Variants in AKAP13 observed in about 807,000 individuals in gnomAD.
AKAP13 encodes the protein A-kinase anchor protein 13.
In AKAP13, 80 loss-of-function variants were observed where a neutral mutation model predicts 264.5. That is an observed-to-expected ratio of 0.30 (90% CI 0.25 to 0.36). AKAP13 has a LOEUF of 0.36. Among genes scored for constraint, AKAP13 ranks in the 10% least tolerant of loss-of-function variants. The pLI, the probability that AKAP13 is intolerant of heterozygous loss-of-function variation, is 1.00. For synonymous variants in AKAP13, 1,380 were observed against 1,250.2 expected (o/e 1.10, Z -2.19); for missense variants, 3,712 against 3,435.2 (o/e 1.08, Z -2.01).
intron 1 of AKAP13, among the ~76,000 whole-genome samples, chr15:85,471,593 C>T (rs1012364919): frequency 2.6e-5 from 4 of 152,232 alleles, no homozygotes; most frequent in Non-Finnish European, 5.9e-5. Flanking sequence ...TCAGTTGGTT[C>T]TGATAACTGC....
At chr15:85,693,588 C>T in intron 17 of AKAP13, 137 bp downstream of exon 17, 1 of 1,411,318 alleles carries the variant, frequency 7.1e-7, no homozygotes, top group Non-Finnish European at 9.3e-7. Context: ...TTTCTTTAGA[C>T]ATGATAAAAG....
At chr15:85,428,227 T>G (rs1022113064) in intron 1 of AKAP13, among the ~76,000 whole-genome samples, 2 of 152,202 alleles carry the variant, frequency 1.3e-5, no homozygotes, top group Admixed American at 6.5e-5. Flanking sequence ...GAGACAGAGT[T>G]TTGCTCTTGT....
chr15:85,722,943 G>T, intron 25 of AKAP13, 129 bp from the exon 26 acceptor site: 1 of 1,237,588 alleles, frequency 8.1e-7, no homozygotes, highest in South Asian at 1.6e-5. Flanking sequence ...GATCTCTGAC[G>T]TGTTGGCTTC....
chr15:85,668,488 C>G (rs2083727563), intron 13 of AKAP13, among the ~76,000 whole-genome samples: 1 of 152,202 alleles, frequency 6.6e-6, no homozygotes, highest in South Asian at 2.1e-4. Flanking sequence ...TGTGAATTTA[C>G]TGAGAGAGTT....
chr15:85,422,193 G>C (rs892563433), intron 1 of AKAP13, among the ~76,000 whole-genome samples: 2 of 152,180 alleles, frequency 1.3e-5, no homozygotes, highest in African/African-American at 2.4e-5. Context: ...ATGTTGGTAG[G>C]AGAGGACATA....
At position 85,585,482 on chromosome 15, in the gene AKAP13, C is replaced by CA. The variant is rs2079300766; in HGVS notation, c.4040-218dup. Among the ~76,000 whole-genome samples the CA allele has an allele frequency of 2.6e-5, 4 of 152,306 alleles. No homozygotes were observed. In the South Asian group the frequency reaches 8.3e-4, roughly 32 times the overall value. ...ATTGAATTGGATCCTCGCTTAGTTC[C>CA]AAGCGCCTACAAAGGCTAGGGAAAA... is the stretch of plus-strand genomic sequence containing the variant. On this transcript the variant is annotated intron_variant, in intron 7 of 36. Coordinates refer to ENST00000394518, the MANE Select transcript of AKAP13 (RefSeq NM_007200.5).
rs556358632 is a variant in AKAP13 at position 85,454,751 on chromosome 15, T to G, written c.-11-30959T>G. ...CCAGAGAGTTGTTCAACTGTCACTG[T>G]GATCAATTTTGAATCTTTTCATCAC... On this transcript the variant is annotated intron_variant, in intron 1 of 36. Transcript: ENST00000394518. Among the ~76,000 whole-genome samples, 7 of 152,356 alleles carry G rather than the reference T, an allele frequency of 4.6e-5. No individual in the cohort carries two copies. The South Asian group carries it at 1.4e-3, about 32-fold the overall frequency.
intron 2 of AKAP13, among the ~76,000 whole-genome samples, chr15:85,497,281 G>A (rs748148862): frequency 2.0e-5 from 3 of 152,234 alleles, no homozygotes; most frequent in Non-Finnish European, 4.4e-5. Flanking sequence ...TGGGGAGGAA[G>A]GGGCTCAGAT....
At position 85,580,298 on chromosome 15, in the gene AKAP13, A is replaced by C. The variant is rs754492232; in HGVS notation, c.2230A>C (p.Lys744Gln). The change falls in exon 7 of 37, where the codon AAA becomes CAA. Residue 744 changes from lysine (K) to glutamine (Q), a missense_variant. Transcript: ENST00000394518. ...FKVVDNKGQR[K>Q]DVKLDKPLTN... The stretch of plus-strand genomic sequence containing the variant: ...AGTGGTGGATAACAAAGGCCAACGA[A>C]AAGATGTGAAACTAGATAAACCTTT... 3.7e-6 allele frequency: 6 copies of C among 1,614,224 alleles called. No individual in the cohort carries two copies. Among genetic ancestry groups the C allele is most frequent in the Non-Finnish European group, 5.1e-6 (6 of 1,180,038 alleles).
chr15:85,737,570 G>A (rs557251322), intron 33 of AKAP13, among the ~76,000 whole-genome samples: 3 of 152,238 alleles, frequency 2.0e-5, no homozygotes, highest in Admixed American at 6.5e-5. Flanking sequence ...AAATACAGAA[G>A]GATATTGTTT....
chr15:85,725,151 T>C (rs567969705), intron 26 of AKAP13, among the ~76,000 whole-genome samples: 1 of 152,186 alleles, frequency 6.6e-6, no homozygotes, highest in African/African-American at 2.4e-5. Context: ...TGCAATAAAG[T>C]TGTGGTCAAG....
Position 85,708,077 on chromosome 15 carries a change from C to A in AKAP13, c.5523C>A (p.Val1841=). 1.2e-6 allele frequency: 2 copies of A among 1,613,470 alleles called. No homozygotes were observed. The highest frequency in any genetic ancestry group is 2.2e-5 in the South Asian group (2 of 90,990). Residue 1841 remains valine (V), a synonymous_variant, in exon 18 of 37, where the codon GTC becomes GTA. Transcript: ENST00000394518. The surrounding 1 kb of genome is among the most constrained non-coding windows in gnomAD (Gnocchi z 4.3). The part of the protein sequence containing the change: ...CRESLASCAK[V]KMKQPKGSLQ... ...AAAGTCTAGCCTCCTGTGCAAAGGT[C>A]AAAATGAAGGTAAGACTTTCTGGCT... is the stretch of plus-strand genomic sequence containing the variant.
chr15:85,574,332 A>G (rs944200030), intron 5 of AKAP13, among the ~76,000 whole-genome samples: 1 of 152,244 alleles, frequency 6.6e-6, no homozygotes, highest in Non-Finnish European at 1.5e-5. Context: ...GTGGTATCAC[A>G]GCAGGCATTA....
At chr15:85,479,766 T>C (rs953444404) in intron 1 of AKAP13, among the ~76,000 whole-genome samples, 7 of 152,150 alleles carry the variant, frequency 4.6e-5, no homozygotes, top group Non-Finnish European at 8.8e-5. Flanking sequence ...CCCACCCCCC[T>C]TTTTAGGGAC....
rs762151347 is a variant in AKAP13 at position 85,710,645 on chromosome 15, C to T, written c.5599C>T (p.Pro1867Ser). 8.1e-6 allele frequency: 13 copies of T among 1,613,328 alleles called. No individual in the cohort carries two copies. Among genetic ancestry groups the T allele is most frequent in the Admixed American group, 5.0e-5 (3 of 59,862 alleles). ...SLPTVIMRNK[P>S]SQPKERPRSA... ...GCCCACGGTCATTATGAGAAACAAG[C>T]GTAAGTAGCTCAGCCCACCTCTCAA... The change falls in exon 19 of 37, where the codon CCC becomes TCC. Residue 1867 changes from proline to serine, a missense_variant and splice_region_variant. Transcript: ENST00000394518.
intron 19 of AKAP13, among the ~76,000 whole-genome samples, chr15:85,712,504 G>C (rs1450941631): frequency 6.7e-6 from 1 of 150,166 alleles, no homozygotes; most frequent in Non-Finnish European, 1.5e-5. Context: ...TGCCTATTAT[G>C]TGCAAGGTTC....
chr15:85,527,251 C>T (rs1157306230), intron 3 of AKAP13, among the ~76,000 whole-genome samples: 1 of 152,172 alleles, frequency 6.6e-6, no homozygotes, highest in Non-Finnish European at 1.5e-5. Context: ...GCGTGAGCCA[C>T]CGCACCCGGC....
intron 8 of AKAP13, among the ~76,000 whole-genome samples, chr15:85,604,605 A>C (rs1183500872): frequency 2.6e-5 from 4 of 152,008 alleles, no homozygotes; most frequent in Non-Finnish European, 4.4e-5. Flanking sequence ...CTAGGATTAC[A>C]GGCACCTGCC....
chr15:85,683,348 C>A (rs2084707552), intron 15 of AKAP13, among the ~76,000 whole-genome samples: 1 of 152,210 alleles, frequency 6.6e-6, no homozygotes, highest in South Asian at 2.1e-4. Flanking sequence ...GCCCTAGAGG[C>A]AATCACTGCT....
Sources: gnomAD v4.1 joint callset for allele counts (sites outside exome capture counted in the v4.1 genomes callset) on GRCh38, gnomAD v4.1.1 for gene constraint, Gnocchi (gnomAD v3.1) non-coding constraint, MANE v1.5 for transcripts, NCBI Gene and HGNC (gene_info 2026-07-23, HGNC 2026-07-21) for gene names.